Variants in CCDC90B observed in about 807,000 individuals in gnomAD.
The protein encoded by CCDC90B is coiled-coil domain-containing protein 90B, mitochondrial.
CCDC90B carries 24 observed loss-of-function variants against 37.0 expected under a neutral mutation model. The ratio of observed to expected loss-of-function variants is 0.65; its 90% CI spans 0.47 to 0.91. CCDC90B has a LOEUF of 0.91. Ranked by LOEUF, CCDC90B falls within the 40% of genes least tolerant of loss-of-function variation. CCDC90B has a pLI of 0.00. For missense variants in CCDC90B, 319 were observed against 299.0 expected (o/e 1.07, Z -0.49); for synonymous variants, 113 against 101.1 (o/e 1.12, Z -0.71).
intron 2 of CCDC90B, 108 bp downstream of exon 2, chr11:83,280,033 G>C: frequency 9.6e-7 from 1 of 1,044,132 alleles, no homozygotes; most frequent in South Asian, 1.8e-5. Context: ...TGTATGGATG[G>C]TACATCTATT....
At chr11:83,270,164 A>G (rs1864565457) in intron 7 of CCDC90B, among the ~76,000 whole-genome samples, 1 of 152,188 alleles carries the variant, frequency 6.6e-6, no homozygotes, top group Non-Finnish European at 1.5e-5. Context: ...TCAAAACAAT[A>G]AGAGCTATTT....
rs1012584867 is a variant in CCDC90B at position 83,259,805 on chromosome 11, T to C, written c.*2106A>G. 5.3e-5 allele frequency: 8 copies of C among 152,270 alleles called. No homozygotes were observed. Among genetic ancestry groups the C allele is most frequent in the Admixed American group, 3.9e-4 (6 of 15,272 alleles). The allele number at this position is 152,270 out of a possible 1,614,324, so 9.4% of individuals were successfully genotyped here. A position where few individuals can be genotyped will look rare whatever the true frequency, so the allele number is the denominator to read the frequency against. On this transcript the variant is annotated 3_prime_UTR_variant, in exon 9 of 9. Transcript: ENST00000529689. The stretch of plus-strand genomic sequence containing the variant: ...GCAGCCTCCCAAGCAGCTAGGACTA[T>C]AGATGTGTGCCACTGTGCTCAGCAA...
At chr11:83,281,268 A>G (rs375544724) in intron 1 of CCDC90B, among the ~76,000 whole-genome samples, 13 of 152,328 alleles carry the variant, frequency 8.5e-5, no homozygotes, top group Non-Finnish European at 1.9e-4. Context: ...TGTGTAGGAC[A>G]AATGTGATTC....
Position 83,260,597 on chromosome 11 carries a change from A to G in CCDC90B, c.*1314T>C, listed in dbSNP as rs1863885088. 6.6e-6 allele frequency: 1 copy of G among 152,224 alleles called. No homozygotes were observed. Among genetic ancestry groups the G allele is most frequent in the Admixed American group, 6.5e-5 (1 of 15,280 alleles). The allele number at this position is 152,224 out of a possible 1,614,324, so 9.4% of individuals were successfully genotyped here. On this transcript the variant is annotated 3_prime_UTR_variant, in exon 9 of 9. Transcript: ENST00000529689. ...CAATCTCTTGACTGCTCTATACTGC[A>G]GATTCCCTGTTTATAGCTAAACAAA... is the stretch of plus-strand genomic sequence containing the variant.
chr11:83,265,784 C>T, intron 8 of CCDC90B, 81 bp downstream of exon 8: 5 of 825,544 alleles, frequency 6.1e-6, no homozygotes, highest in Admixed American at 2.4e-5. Context: ...TCCTTTTTTT[C>T]CTGTGCCTGC....
chr11:83,274,251 C>T (rs957202655), intron 4 of CCDC90B: 1 of 338,548 alleles, frequency 3.0e-6, no homozygotes, highest in African/African-American at 2.1e-5. Context: ...TAGTGGATAA[C>T]ATAACTTAAA....
rs1865665190 is a variant in CCDC90B, at chr11:83,285,957, C to T, written c.16G>A (p.Ala6Thr). 6.2e-7 allele frequency: 1 copy of T among 1,611,846 alleles called. No homozygotes were observed. Among genetic ancestry groups the T allele is most frequent in the African/African-American group, 1.3e-5 (1 of 74,862 alleles). The stretch of plus-strand genomic sequence containing the variant: ...CCTTGGGAGAGAAAGAGCCGCCAAG[C>T]CTGGCGACTATTCATGTCCTCAGAG... MNSRQ[A>T]WRLFLSQGRG... The change falls in exon 1 of 9, where the codon GCT becomes ACT. Residue 6 changes from alanine to threonine, a missense_variant. Coordinates refer to ENST00000529689, the MANE Select transcript of CCDC90B (RefSeq NM_021825.5).
chr11:83,265,569 T>C (rs1864207452), intron 8 of CCDC90B, among the ~76,000 whole-genome samples: 1 of 152,164 alleles, frequency 6.6e-6, no homozygotes, highest in South Asian at 2.1e-4. Context: ...TCTGTGAGGA[T>C]GACAGAAGCT....
intron 1 of CCDC90B, among the ~76,000 whole-genome samples, chr11:83,284,297 G>A (rs371577649): frequency 5.6e-4 from 86 of 152,252 alleles, no homozygotes; most frequent in Middle Eastern, 3.4e-3. Context: ...CTCTTTGCTG[G>A]AAAAGGTCAA....
At chr11:83,284,289 C>T (rs952390781) in intron 1 of CCDC90B, among the ~76,000 whole-genome samples, 1 of 152,212 alleles carries the variant, frequency 6.6e-6, no homozygotes, top group African/African-American at 2.4e-5. Context: ...CCAAGCTCCT[C>T]TTTGCTGGAA....
chr11:83,273,297 C>G (rs1864802097), intron 7 of CCDC90B: 1 of 157,234 alleles, frequency 6.4e-6, no homozygotes, highest in Non-Finnish European at 1.4e-5. Flanking sequence ...GCTATGTTGC[C>G]CAGACTGGTC....
At position 83,280,272 on chromosome 11, in the gene CCDC90B, G is replaced by C. The variant is rs1279092781; in HGVS notation, c.101-12C>G. ...GGTAGTGAAGAACTCTGAAAGAGAA[G>C]ACAATTTTTTTCTTTTGTAGTAACT... On this transcript the variant is annotated splice_polypyrimidine_tract_variant and intron_variant, in intron 1 of 8. Coordinates refer to ENST00000529689, the MANE Select transcript of CCDC90B (RefSeq NM_021825.5). The C allele has an allele frequency of 1.2e-6, 2 of 1,607,912 alleles. No homozygotes were observed. The highest frequency in any genetic ancestry group is 1.7e-6 in the Non-Finnish European group (2 of 1,177,872).
chr11:83,280,634 G>T (rs1051081536), intron 1 of CCDC90B, among the ~76,000 whole-genome samples: 6 of 152,174 alleles, frequency 3.9e-5, no homozygotes, highest in Non-Finnish European at 8.8e-5. Context: ...CTTTCAAAGA[G>T]CTATGAAAAT....
intron 1 of CCDC90B, chr11:83,285,450 G>T (rs1044735682): frequency 1.2e-5 from 13 of 1,119,638 alleles, no homozygotes; most frequent in African/African-American, 1.0e-4. Flanking sequence ...AATTTATGAT[G>T]CTGTCTACCA....
chr11:83,273,512 A>G (rs533790262), intron 7 of CCDC90B, 135 bp downstream of exon 7: 11 of 571,524 alleles, frequency 1.9e-5, no homozygotes, highest in Non-Finnish European at 3.1e-5. Context: ...CTGGTTAACT[A>G]TAATAGCTAT....
chr11:83,284,237 C>T (rs1052445866), intron 1 of CCDC90B, among the ~76,000 whole-genome samples: 14 of 152,180 alleles, frequency 9.2e-5, no homozygotes, highest in African/African-American at 3.4e-4. Flanking sequence ...CACAAAACTA[C>T]TAAGTCATAG....
At chr11:83,278,117 C>T (rs1399152936) in intron 3 of CCDC90B, among the ~76,000 whole-genome samples, 2 of 152,202 alleles carry the variant, frequency 1.3e-5, no homozygotes, top group Non-Finnish European at 2.9e-5. Flanking sequence ...TTGCAAACTA[C>T]TCAATTTCTC....
chr11:83,265,259 T>G (rs631379), intron 8 of CCDC90B, among the ~76,000 whole-genome samples: 39,880 of 151,798 alleles, frequency 0.26, 5,353 homozygotes, highest in Middle Eastern at 0.41. Context: ...TAATCTAATT[T>G]TGGGATAGTG....
intron 7 of CCDC90B, among the ~76,000 whole-genome samples, chr11:83,271,345 A>G (rs1864649937): frequency 6.6e-6 from 1 of 152,244 alleles, no homozygotes; most frequent in Admixed American, 6.5e-5. Flanking sequence ...CAACCTACAG[A>G]ATGGGAGAAA....
Sources: allele counts gnomAD v4.1 joint callset (sites outside exome capture counted in the v4.1 genomes callset), GRCh38; gene constraint gnomAD v4.1.1; transcripts MANE v1.5; gene names NCBI Gene and HGNC (gene_info 2026-07-23, HGNC 2026-07-21).